Variants in HSD11B1 observed in about 807,000 individuals in gnomAD.
HSD11B1 encodes the protein hydroxysteroid 11-beta dehydrogenase 1.
HSD11B1 carries 15 observed loss-of-function variants against 22.1 expected under a neutral mutation model. The ratio of observed to expected loss-of-function variants is 0.68; its 90% CI spans 0.45 to 1.04. HSD11B1 has a LOEUF of 1.04. HSD11B1 is among the 50% of genes least tolerant of loss of function. The probability of loss-of-function intolerance (pLI) is 0.00; values close to 1 mark genes in which losing one functional copy is unlikely to be tolerated. For missense variants in HSD11B1, 281 were observed against 357.6 expected (o/e 0.79, Z 1.73); for synonymous variants, 122 against 125.2 (o/e 0.97, Z 0.17).
intron 4 of HSD11B1, among the ~76,000 whole-genome samples, chr1:209,730,598 T>C (rs2077029558): frequency 6.6e-6 from 1 of 152,104 alleles, no homozygotes; most frequent in South Asian, 2.1e-4. Flanking sequence ...ACTCTATTAT[T>C]AAAGAAGGAG....
chr1:209,722,635 G>A (rs916679534), intron 4 of HSD11B1, among the ~76,000 whole-genome samples: 5 of 152,158 alleles, frequency 3.3e-5, no homozygotes, highest in Admixed American at 1.3e-4. Context: ...AAAGAGTTTA[G>A]ACCATGAGGG....
chr1:209,716,291 C>T (rs555050480), intron 4 of HSD11B1, among the ~76,000 whole-genome samples: 1 of 149,822 alleles, frequency 6.7e-6, no homozygotes, highest in East Asian at 2.0e-4. Flanking sequence ...ATGCTAACAG[C>T]GATCAATCTG....
At chr1:209,710,217 G>A (rs1237199199) in intron 4 of HSD11B1, among the ~76,000 whole-genome samples, 1 of 152,154 alleles carries the variant, frequency 6.6e-6, no homozygotes, top group Non-Finnish European at 1.5e-5. Context: ...GTCAAAATAG[G>A]TCATCTTAGG....
intron 4 of HSD11B1, among the ~76,000 whole-genome samples, chr1:209,711,335 G>T (rs970561449): frequency 6.6e-6 from 1 of 152,130 alleles, no homozygotes; most frequent in Non-Finnish European, 1.5e-5. Flanking sequence ...GGTTATTGGG[G>T]GTGGGGGGAT....
In HSD11B1 at chr1:209,706,965, C is replaced by T; in HGVS notation, c.354C>T (p.Leu118=). The T allele has an allele frequency of 6.2e-7, 1 of 1,614,124 alleles. No homozygotes were observed. Among genetic ancestry groups the T allele is most frequent in the Non-Finnish European group, 8.5e-7 (1 of 1,179,966 alleles). ...CAGGAGGACTAGACATGCTCATTCT[C>T]AACCACATCACCAACACTTCTTTGA... ...KLMGGLDMLI[L]NHITNTSLNL... The change falls in exon 4 of 6, where the codon CTC becomes CTT. Residue 118 remains leucine (L), a synonymous_variant. Coordinates refer to ENST00000367027, the MANE Select transcript of HSD11B1 (RefSeq NM_005525.4). The surrounding 1 kb of genome is among the most constrained non-coding windows in gnomAD (Gnocchi z 4.0).
chr1:209,687,691 TG>T (rs1328810315), intron 1 of HSD11B1, among the ~76,000 whole-genome samples: 24 of 152,158 alleles, frequency 1.6e-4, no homozygotes, highest in African/African-American at 5.3e-4. Context: ...TAAGAAATCA[TG>T]AAAACTTTAC....
chr1:209,696,468 T>A (rs752819950), intron 1 of HSD11B1, among the ~76,000 whole-genome samples: 11 of 152,184 alleles, frequency 7.2e-5, no homozygotes, highest in Non-Finnish European at 1.5e-4. Flanking sequence ...TTATACTACC[T>A]GAAGCTTAGG....
chr1:209,691,459 G>C (rs1396289667), intron 1 of HSD11B1, among the ~76,000 whole-genome samples: 1 of 152,138 alleles, frequency 6.6e-6, no homozygotes, highest in Non-Finnish European at 1.5e-5. Context: ...CAGATTCAGG[G>C]AACAGGAGGA....
At chr1:209,723,848 C>A (rs1489839367) in intron 4 of HSD11B1, among the ~76,000 whole-genome samples, 1 of 152,236 alleles carries the variant, frequency 6.6e-6, no homozygotes, top group Non-Finnish European at 1.5e-5. Flanking sequence ...ACATTCAGAA[C>A]TCATGCTCTC....
intron 5 of HSD11B1, 78 bp downstream of exon 5, chr1:209,732,657 G>A (rs1166621708): frequency 3.2e-6 from 4 of 1,232,008 alleles, no homozygotes; most frequent in African/African-American, 3.0e-5. Flanking sequence ...ATGCAGGTTT[G>A]TTACATATGT....
chr1:209,701,967 A>G (rs2076829241), upstream of HSD11B1, among the ~76,000 whole-genome samples: 1 of 152,228 alleles, frequency 6.6e-6, no homozygotes, highest in South Asian at 2.1e-4. Context: ...TCCAGCAGTG[A>G]AAAGCCCATT....
chr1:209,698,215 ATAGG>A (rs1200478835), intron 1 of HSD11B1, among the ~76,000 whole-genome samples: 4 of 140,728 alleles, frequency 2.8e-5, no homozygotes, highest in South Asian at 4.6e-4. Flanking sequence ...AGATAGATAG[ATAGG>A]AAGGACAGAC....
chr1:209,727,095 C>T (rs1254102973), intron 4 of HSD11B1, among the ~76,000 whole-genome samples: 1 of 152,060 alleles, frequency 6.6e-6, no homozygotes, highest in Non-Finnish European at 1.5e-5. Context: ...TCTGAGAGGC[C>T]CTGAATCCAA....
At chr1:209,689,710 A>G (rs2076748104) in intron 1 of HSD11B1, among the ~76,000 whole-genome samples, 1 of 152,136 alleles carries the variant, frequency 6.6e-6, no homozygotes, top group South Asian at 2.1e-4. Context: ...TTCTGCCATG[A>G]GTGGAAGCAG....
intron 4 of HSD11B1, among the ~76,000 whole-genome samples, chr1:209,719,335 G>A (rs2076950403): frequency 1.3e-5 from 2 of 152,196 alleles, no homozygotes; most frequent in African/African-American, 4.8e-5. Flanking sequence ...GTTTGCAATT[G>A]GAGGAAACTG....
At chr1:209,728,346 G>T (rs1039102020) in intron 4 of HSD11B1, among the ~76,000 whole-genome samples, 2 of 152,004 alleles carry the variant, frequency 1.3e-5, no homozygotes, top group Admixed American at 6.6e-5. Context: ...TCACCAATTT[G>T]AATACTAATA....
chr1:209,733,214 T>A (rs1369541223), intron 5 of HSD11B1, among the ~76,000 whole-genome samples: 1 of 152,258 alleles, frequency 6.6e-6, no homozygotes, highest in Non-Finnish European at 1.5e-5. Flanking sequence ...ACTGGTATCA[T>A]GAACTCTTTG....
At chr1:209,712,105 A>G (rs2076901634) in intron 4 of HSD11B1, among the ~76,000 whole-genome samples, 1 of 152,184 alleles carries the variant, frequency 6.6e-6, no homozygotes, top group South Asian at 2.1e-4. Context: ...GGAGTTTGAG[A>G]AGGCTTACAA....
At chr1:209,700,103 G>T (rs576424524), upstream of HSD11B1, among the ~76,000 whole-genome samples, 1 of 152,266 alleles carries the variant, frequency 6.6e-6, no homozygotes, top group South Asian at 2.1e-4. Flanking sequence ...ACCATTCTGG[G>T]GTCTGGAGGA....
Sources: gnomAD v4.1 joint callset for allele counts (sites outside exome capture counted in the v4.1 genomes callset) on GRCh38, gnomAD v4.1.1 for gene constraint, Gnocchi (gnomAD v3.1) non-coding constraint, MANE v1.5 for transcripts, NCBI Gene and HGNC (gene_info 2026-07-23, HGNC 2026-07-21) for gene names.